Variants in CGGBP1 observed in about 807,000 individuals in gnomAD.
CGGBP1 encodes CGG triplet repeat binding protein 1.
In CGGBP1, 4 loss-of-function variants were observed where a neutral mutation model predicts 11.4. The observed-to-expected ratio is 0.35, with a 90% CI of 0.17 to 0.80. The LOEUF is 0.80. Ranked by LOEUF, CGGBP1 falls within the 30% of genes least tolerant of loss-of-function variation. CGGBP1 has a pLI of 0.52. For synonymous variants in CGGBP1, 76 were observed against 74.1 expected (o/e 1.03, Z -0.13); for missense variants, 135 against 202.1 (o/e 0.67, Z 2.01).
At chr3:88,146,134 CA>C (rs1413623876) in intron 1 of CGGBP1, among the ~76,000 whole-genome samples, 1 of 152,142 alleles carries the variant, frequency 6.6e-6, no homozygotes, top group Non-Finnish European at 1.5e-5. Flanking sequence ...TATAGAGCAG[CA>C]GAATCAGCAT....
chr3:88,134,296 A>C (rs1706640629), intron 2 of CGGBP1, among the ~76,000 whole-genome samples: 1 of 152,140 alleles, frequency 6.6e-6, no homozygotes, highest in Non-Finnish European at 1.5e-5. Context: ...GCTGAGTTCA[A>C]AGTATATGCT....
intron 2 of CGGBP1, among the ~76,000 whole-genome samples, chr3:88,096,976 CT>C (rs1704101945): frequency 6.6e-6 from 1 of 152,016 alleles, no homozygotes; most frequent in Non-Finnish European, 1.5e-5. Flanking sequence ...ACTTAGATAC[CT>C]TTCCCCATCA....
intron 2 of CGGBP1, among the ~76,000 whole-genome samples, chr3:88,131,842 AT>A (rs1287389285): frequency 6.6e-6 from 1 of 151,562 alleles, no homozygotes. Context: ...GATGAGCAGG[AT>A]TTTTTTTCAG....
intron 2 of CGGBP1, chr3:88,140,277 T>A (rs1707039667): frequency 6.2e-7 from 1 of 1,613,724 alleles, no homozygotes; most frequent in Non-Finnish European, 8.5e-7. Context: ...TCAACACTAT[T>A]TAAGTAAAAC....
chr3:88,125,092 G>A (rs911102216), intron 2 of CGGBP1, among the ~76,000 whole-genome samples: 1 of 151,908 alleles, frequency 6.6e-6, no homozygotes, highest in South Asian at 2.1e-4. Context: ...ACACGCGCCT[G>A]TAGTCCCAGC....
chr3:88,078,945 A>T (rs1707948154), intron 2 of CGGBP1, among the ~76,000 whole-genome samples: 3 of 152,186 alleles, frequency 2.0e-5, no homozygotes, highest in South Asian at 4.1e-4. Context: ...TAAAAAACTA[A>T]CTTTTCAGAT....
At chr3:88,107,965 T>C (rs1467569985) in intron 2 of CGGBP1, among the ~76,000 whole-genome samples, 2 of 152,160 alleles carry the variant, frequency 1.3e-5, no homozygotes, top group Non-Finnish European at 2.9e-5. Flanking sequence ...CCTTGTATGT[T>C]GTGGTTTTTA....
At chr3:88,064,852 T>C (rs1485638917) in intron 2 of CGGBP1, among the ~76,000 whole-genome samples, 1 of 152,246 alleles carries the variant, frequency 6.6e-6, no homozygotes. Context: ...TCAAATTAGT[T>C]TTCTAGCTCA....
chr3:88,079,620 G>A (rs529022625), intron 2 of CGGBP1, among the ~76,000 whole-genome samples: 1 of 152,100 alleles, frequency 6.6e-6, no homozygotes, highest in East Asian at 1.9e-4. Context: ...CTCTGGGAGT[G>A]ATACTGTAAT....
upstream of CGGBP1, among the ~76,000 whole-genome samples, chr3:88,060,344 T>C (rs1706796122): frequency 1.3e-5 from 2 of 152,218 alleles, 1 homozygote; most frequent in Admixed American, 1.3e-4. Context: ...TCAAAGTGTT[T>C]GTAATCAAAT....
intron 2 of CGGBP1, among the ~76,000 whole-genome samples, chr3:88,080,306 T>C (rs890455200): frequency 1.3e-5 from 2 of 152,146 alleles, no homozygotes; most frequent in African/African-American, 4.8e-5. Context: ...ACTGATGTAA[T>C]GAAATTGTCA....
rs777976952 is a variant in CGGBP1 at position 88,055,320 on chromosome 3, TG to T, written c.*152del. 3.2e-4 allele frequency: 202 copies of T among 623,544 alleles called. No individual in the cohort carries two copies. Among genetic ancestry groups the T allele is most frequent in the Middle Eastern group, 1.9e-3 (4 of 2,128 alleles). 38.6% of individuals were successfully genotyped at this position (623,544 alleles called of 1,614,324 possible). On this transcript the variant is annotated 3_prime_UTR_variant, in exon 4 of 4. Coordinates refer to ENST00000482016, the MANE Select transcript of CGGBP1 (RefSeq NM_001008390.2). This position sits in a 1 kb window ranked among gnomAD's most constrained non-coding sequence, Gnocchi z 4.2. ...ATTAACAATAAGTTTTGCAGTGAGG[TG>T]GTTTTTTTTTTGCCTGCAACTATAT...
At chr3:88,059,526 C>T, upstream of CGGBP1, 2 of 1,459,464 alleles carry the variant, frequency 1.4e-6, no homozygotes, top group Non-Finnish European at 1.8e-6. Flanking sequence ...CGTTGGCCGC[C>T]CCGACTTGTC....
chr3:88,078,709 G>A (rs1211263290), intron 2 of CGGBP1, among the ~76,000 whole-genome samples: 1 of 152,056 alleles, frequency 6.6e-6, no homozygotes, highest in Non-Finnish European at 1.5e-5. Flanking sequence ...ACTGGTAATG[G>A]ATATGAGAGA....
chr3:88,136,355 T>A (rs568557000), intron 2 of CGGBP1, among the ~76,000 whole-genome samples: 20 of 152,266 alleles, frequency 1.3e-4, no homozygotes, highest in African/African-American at 4.6e-4. Flanking sequence ...AAAGATGAAA[T>A]AAGAATTAAA....
chr3:88,142,722 G>GT (rs1707191882), intron 1 of CGGBP1: 3 of 152,114 alleles, frequency 2.0e-5, no homozygotes, highest in South Asian at 2.1e-4. Flanking sequence ...TACTATTCCT[G>GT]TTTTTTTAAT....
chr3:88,063,368 TG>T (rs1706997903), upstream of CGGBP1, among the ~76,000 whole-genome samples: 1 of 152,284 alleles, frequency 6.6e-6, no homozygotes, highest in South Asian at 2.1e-4. Flanking sequence ...AAGTAACGAC[TG>T]TGGGCCAGGC....
chr3:88,059,445 C>G, upstream of CGGBP1: 1 of 1,519,844 alleles, frequency 6.6e-7, no homozygotes, highest in South Asian at 1.2e-5. Flanking sequence ...GCGCTGGCAG[C>G]GGCAACTGCG....
At chr3:88,136,143 T>C (rs1706770367) in intron 2 of CGGBP1, among the ~76,000 whole-genome samples, 1 of 152,188 alleles carries the variant, frequency 6.6e-6, no homozygotes, top group African/African-American at 2.4e-5. Context: ...TAACATTTGA[T>C]GTGCATCAGA....
Sources: gnomAD v4.1 joint callset for allele counts (sites outside exome capture counted in the v4.1 genomes callset) on GRCh38, gnomAD v4.1.1 for gene constraint, Gnocchi (gnomAD v3.1) non-coding constraint, MANE v1.5 for transcripts, NCBI Gene and HGNC (gene_info 2026-07-23, HGNC 2026-07-21) for gene names.